MBP: variants seen among roughly 807,000 people sequenced by gnomAD.
The protein encoded by MBP is myelin basic protein, also known as Golli-MBP.
MBP carries 16 observed loss-of-function variants against 35.8 expected under a neutral mutation model. The ratio of observed to expected loss-of-function variants is 0.45; its 90% CI spans 0.30 to 0.68. The LOEUF (loss-of-function observed/expected upper bound fraction) is 0.68. Ranked by LOEUF, MBP falls within the 30% of genes least tolerant of loss-of-function variation. MBP has a pLI of 0.08. For missense variants in MBP, 380 were observed against 404.7 expected (o/e 0.94, Z 0.52); for synonymous variants, 143 against 159.6 (o/e 0.90, Z 0.78).
At chr18:76,996,331 T>A (rs1970269327) in intron 4 of MBP, among the ~76,000 whole-genome samples, 1 of 152,248 alleles carries the variant, frequency 6.6e-6, no homozygotes. Flanking sequence ...AAATGGCTTC[T>A]ATAATGAATA....
chr18:76,983,844 A>T (rs1368700661), intron 8 of MBP: 2 of 152,278 alleles, frequency 1.3e-5, no homozygotes, highest in Non-Finnish European at 2.9e-5. Flanking sequence ...AGCACACCAC[A>T]CATCCAGACT....
rs1055731270 is a variant in MBP at position 77,131,863 on chromosome 18, G to A, written c.-26+717C>T. Among the ~76,000 whole-genome samples, 4 of 152,042 alleles carry A rather than the reference G, an allele frequency of 2.6e-5. No homozygotes were observed. Among genetic ancestry groups the A allele is most frequent in the Non-Finnish European group, 5.9e-5 (4 of 67,956 alleles). The stretch of plus-strand genomic sequence containing the variant: ...GGGCCGGCGGGCGGCTGCGGGCGGC[G>A]CACGTGGGCCCAGGTGGGCGCAGCG... On this transcript the variant is annotated intron_variant, in intron 1 of 8. Coordinates refer to ENST00000355994, the MANE Select transcript of MBP (RefSeq NM_001025101.2). The surrounding 1 kb of genome is among the most constrained non-coding windows in gnomAD (Gnocchi z 5.5).
chr18:77,094,735 A>T (rs1975688481), intron 2 of MBP, among the ~76,000 whole-genome samples: 1 of 152,216 alleles, frequency 6.6e-6, no homozygotes, highest in Admixed American at 6.5e-5. Flanking sequence ...TAGTAGGGCA[A>T]TGGGAGAATA....
At chr18:77,075,432 G>A (rs907880815) in intron 2 of MBP, among the ~76,000 whole-genome samples, 2 of 152,270 alleles carry the variant, frequency 1.3e-5, no homozygotes, top group Non-Finnish European at 2.9e-5. Context: ...CCTAGAGAAC[G>A]CCTGACACGT....
rs1007140529 is a variant in MBP at position 77,017,139 on chromosome 18, T to C, written c.269A>G (p.His90Arg). The C allele has an allele frequency of 6.4e-7, 1 of 1,573,150 alleles. No homozygotes were observed. Among genetic ancestry groups the C allele is most frequent in the South Asian group, 1.2e-5 (1 of 85,196 alleles). The change falls in exon 4 of 9, where the codon CAC (histidine) becomes CGC (arginine). Residue 90 changes from histidine (H) to arginine (R), a missense_variant. His to Arg is a conservative substitution (Grantham distance 29, BLOSUM62 0). Coordinates refer to ENST00000355994, the MANE Select transcript of MBP (RefSeq NM_001025101.2). ...AHPADPGSRP[H>R]LIRLFSRDAP... is the part of the protein sequence containing the mutation. ...ATCTCGGGAAAAGAGGCGGATCAAG[T>C]GGGGGCGGCTCCCTGGGTCAGCTGG...
chr18:77,092,009 GA>G (rs1250866224), intron 2 of MBP, among the ~76,000 whole-genome samples: 5 of 152,136 alleles, frequency 3.3e-5, no homozygotes, highest in African/African-American at 9.7e-5. Flanking sequence ...CTGAAAGCTG[GA>G]TTTTTTAGGT....
chr18:77,018,559 CCCATCCACTCAT>C (rs1233106897), intron 3 of MBP, among the ~76,000 whole-genome samples: 1 of 143,040 alleles, frequency 7.0e-6, no homozygotes, highest in Non-Finnish European at 1.5e-5. Flanking sequence ...CTATCCATCC[CCCATCCACTCAT>C]CCATCCATTC....
intron 4 of MBP, chr18:77,014,202 G>A (rs1971499008): frequency 4.1e-6 from 4 of 985,324 alleles, no homozygotes; most frequent in South Asian, 9.4e-5. Context: ...TTGAATGTCA[G>A]CTCCCAGCAA....
intron 3 of MBP, among the ~76,000 whole-genome samples, chr18:77,021,156 TG>T (rs1971972041): frequency 6.6e-6 from 1 of 152,082 alleles, no homozygotes; most frequent in Non-Finnish European, 1.5e-5. Flanking sequence ...GCCTCTCGGG[TG>T]GAAGATTCTA....
At chr18:76,996,593 A>G (rs1970282308) in intron 4 of MBP, among the ~76,000 whole-genome samples, 1 of 152,152 alleles carries the variant, frequency 6.6e-6, no homozygotes, top group Admixed American at 6.5e-5. Flanking sequence ...TCTCCAAGGA[A>G]TCTTGCTGAG....
intron 8 of MBP, 95 bp from the exon 9 acceptor site, chr18:76,980,566 A>G: frequency 2.2e-6 from 2 of 918,092 alleles, no homozygotes; most frequent in South Asian, 2.7e-5. Context: ...ATGCTGAGCC[A>G]TTGGGTGTCT....
intron 3 of MBP, among the ~76,000 whole-genome samples, chr18:77,059,390 ATTAATT>A (rs1199968365): frequency 6.6e-6 from 1 of 152,014 alleles, no homozygotes; most frequent in Admixed American, 6.5e-5. Context: ...AATCCCATTA[ATTAATT>A]TTAATTATTA....
At chr18:77,036,503 A>G (rs1972774723) in intron 3 of MBP, among the ~76,000 whole-genome samples, 3 of 114,516 alleles carry the variant, frequency 2.6e-5, no homozygotes, top group South Asian at 3.1e-4. Context: ...TGCTGGTCAC[A>G]TTTTGGAGAC....
intron 2 of MBP, chr18:77,068,864 A>G (rs541114614): frequency 1.0e-4 from 43 of 416,746 alleles, no homozygotes; most frequent in South Asian, 6.7e-4. Flanking sequence ...TGGGAGGGAA[A>G]CTTTCCTGGG....
chr18:77,068,315 C>G (rs929500103), intron 2 of MBP, among the ~76,000 whole-genome samples: 1 of 152,154 alleles, frequency 6.6e-6, no homozygotes, highest in Non-Finnish European at 1.5e-5. Context: ...GGTACCAAGC[C>G]CAAATGAAGA....
rs145059208 is a variant in MBP at position 77,033,757 on chromosome 18, CCCATCCATCCATCCATCCATCCATCCAT to C, written c.140-16517_140-16490del. Among the ~76,000 whole-genome samples, 4 of 120,484 alleles carry C rather than the reference CCCATCCATCCATCCATCCATCCATCCAT, an allele frequency of 3.3e-5. No homozygotes were observed. The East Asian group carries it at 9.3e-4, about 28-fold the overall frequency. 79.0% of individuals were successfully genotyped at this position (120,484 alleles called of 152,430 possible). A position where few individuals can be genotyped will look rare whatever the true frequency, so the allele number is the denominator to read the frequency against. On this transcript the variant is annotated intron_variant, in intron 3 of 8. Transcript: ENST00000355994. ...ATTTATCTACCTATGCATCAATCCA[CCCATCCATCCATCCATCCATCCATCCAT>C]CCATCCATCCACCCACTCACCCATC...
At chr18:77,025,704 A>ATTTTTTTTTTTTTTT (rs1972185043) in intron 3 of MBP, among the ~76,000 whole-genome samples, 1 of 57,038 alleles carries the variant, frequency 1.8e-5, no homozygotes, top group African/African-American at 9.7e-5. Flanking sequence ...CTATTGAAAT[A>ATTTTTTTTTTTTTTT]CTTTTTTTTT....
chr18:77,115,326 C>T (rs1393942178), intron 1 of MBP: 1 of 152,254 alleles, frequency 6.6e-6, no homozygotes, highest in African/African-American at 2.4e-5. Context: ...GGCACAATGG[C>T]TCTTGATAGC....
chr18:77,086,322 C>T (rs1156731605), intron 2 of MBP, among the ~76,000 whole-genome samples: 1 of 152,204 alleles, frequency 6.6e-6, no homozygotes, highest in African/African-American at 2.4e-5. Flanking sequence ...AGAGTTCATG[C>T]ATACAAGTGC....
Sources: allele counts gnomAD v4.1 joint callset (sites outside exome capture counted in the v4.1 genomes callset), GRCh38; gene constraint gnomAD v4.1.1; non-coding constraint Gnocchi (gnomAD v3.1); transcripts MANE v1.5; gene names NCBI Gene and HGNC (gene_info 2026-07-23, HGNC 2026-07-21).